Variants in SATB2 observed in about 807,000 individuals in gnomAD.
SATB2 encodes SATB homeobox 2.
In SATB2, 1 loss-of-function variant was observed where a neutral mutation model predicts 73.4. That is an observed-to-expected ratio of 0.01 (90% CI 0.00 to 0.06). SATB2 has a LOEUF of 0.06. SATB2 is among the 10% of genes least tolerant of loss of function. SATB2 has a pLI of 1.00. For missense variants in SATB2, 459 were observed against 945.8 expected (o/e 0.49, Z 6.75); for synonymous variants, 397 against 367.0 (o/e 1.08, Z -0.93).
At chr2:199,336,737 G>GTA (rs1295550243) in intron 7 of SATB2, among the ~76,000 whole-genome samples, 1 of 152,146 alleles carries the variant, frequency 6.6e-6, no homozygotes, top group African/African-American at 2.4e-5. Context: ...GTTTACCCCT[G>GTA]TACCTCTTTG....
chr2:199,302,088 A>T (rs1192464108), intron 10 of SATB2, among the ~76,000 whole-genome samples: 1 of 152,194 alleles, frequency 6.6e-6, no homozygotes, highest in African/African-American at 2.4e-5. Context: ...AACAACTTTA[A>T]GAAACTGCAC....
rs142344633 is a variant in SATB2, at chr2:199,291,295, A to C, written c.1740+17465T>G. 3.3e-5 allele frequency among the ~76,000 whole-genome samples: 5 copies of C among 152,328 alleles called. No individual in the cohort carries two copies. The East Asian group carries it at 9.7e-4, about 29-fold the overall frequency. On this transcript the variant is annotated intron_variant, in intron 10 of 10. Transcript: ENST00000417098. ...AAGAGAATGGTTTCAAGTTAGAGCC[A>C]CAAACTGTCTTTACTGCTTTTTGCC... is the stretch of plus-strand genomic sequence containing the variant.
chr2:199,349,518 A>G (rs1030992682), intron 6 of SATB2, among the ~76,000 whole-genome samples: 1 of 152,228 alleles, frequency 6.6e-6, no homozygotes, highest in Non-Finnish European at 1.5e-5. Context: ...CCTTTGTTAT[A>G]AAAGCACCAG....
chr2:199,378,503 C>A (rs1390005069), intron 5 of SATB2, among the ~76,000 whole-genome samples: 1 of 152,140 alleles, frequency 6.6e-6, no homozygotes, highest in Non-Finnish European at 1.5e-5. Flanking sequence ...TACATACCTA[C>A]AGGTAGGTAT....
chr2:199,380,580 T>C (rs1292041488), intron 4 of SATB2, 93 bp from the exon 5 acceptor site: 14 of 1,489,782 alleles, frequency 9.4e-6, no homozygotes, highest in South Asian at 5.7e-5. Context: ...TTGGGTCTTG[T>C]GGGAGCTTCA....
At chr2:199,297,730 G>C (rs1687150714) in intron 10 of SATB2, among the ~76,000 whole-genome samples, 1 of 151,996 alleles carries the variant, frequency 6.6e-6, no homozygotes, top group African/African-American at 2.4e-5. Context: ...GATGCTAATG[G>C]GTAGCAAGGA....
chr2:199,408,703 T>C (rs1259892518), intron 3 of SATB2, among the ~76,000 whole-genome samples: 1 of 149,930 alleles, frequency 6.7e-6, no homozygotes, highest in African/African-American at 2.5e-5. Context: ...AATAGAGTCT[T>C]AGGGAGGGCA....
intron 6 of SATB2, among the ~76,000 whole-genome samples, chr2:199,355,779 C>T (rs563287456): frequency 2.0e-5 from 3 of 152,214 alleles, no homozygotes; most frequent in African/African-American, 7.2e-5. Context: ...GCTCTTTACT[C>T]TTTAGCAGGA....
chr2:199,367,638 G>A (rs556087009), intron 6 of SATB2, among the ~76,000 whole-genome samples: 1 of 152,162 alleles, frequency 6.6e-6, no homozygotes, highest in South Asian at 2.1e-4. Flanking sequence ...CCTCCGATGG[G>A]GGCAGAGTAA....
intron 6 of SATB2, among the ~76,000 whole-genome samples, chr2:199,356,853 A>G (rs972130391): frequency 6.6e-6 from 1 of 152,184 alleles, no homozygotes; most frequent in Non-Finnish European, 1.5e-5. Context: ...ACCAAGCCCC[A>G]CCATTTATAT....
chr2:199,280,932 T>C (rs1177443333), intron 10 of SATB2, among the ~76,000 whole-genome samples: 1 of 152,114 alleles, frequency 6.6e-6, no homozygotes, highest in African/African-American at 2.4e-5. Flanking sequence ...CTTTTGAAAA[T>C]CACTAATAAA....
At chr2:199,421,257 C>A (rs1196186827) in intron 3 of SATB2, among the ~76,000 whole-genome samples, 2 of 152,116 alleles carry the variant, frequency 1.3e-5, no homozygotes, top group Non-Finnish European at 2.9e-5. Flanking sequence ...TAGAATTATA[C>A]AATACAGAAG....
At position 199,351,964 on chromosome 2, in the gene SATB2, G is replaced by A. The variant is rs186377436; in HGVS notation, c.701-2791C>T. Among the ~76,000 whole-genome samples the A allele has an allele frequency of 5.9e-5, 9 of 152,244 alleles. No individual in the cohort carries two copies. The East Asian group carries it at 1.2e-3, about 20-fold the overall frequency. Reference sequence around the variant, plus strand: ...CCATTCACTGCAACCTCTGCCTCCCGGGTTCAAGCTATTCTCGTGCTCAGC... The same window carrying A: ...CCATTCACTGCAACCTCTGCCTCCCAGGTTCAAGCTATTCTCGTGCTCAGC... On this transcript the variant is annotated intron_variant, in intron 6 of 10. Transcript: ENST00000417098.
At chr2:199,466,131 A>T (rs555102324), upstream of SATB2, among the ~76,000 whole-genome samples, 4 of 152,208 alleles carry the variant, frequency 2.6e-5, no homozygotes, top group South Asian at 8.3e-4. Flanking sequence ...GGAGACCCGG[A>T]GTTACTTGGA....
intron 2 of SATB2, among the ~76,000 whole-genome samples, chr2:199,442,393 G>A (rs561304454): frequency 2.0e-5 from 3 of 152,180 alleles, no homozygotes; most frequent in Non-Finnish European, 4.4e-5. Context: ...CACGGGCATC[G>A]CATGGATGGG....
At chr2:199,415,609 A>G (rs1479723603) in intron 3 of SATB2, among the ~76,000 whole-genome samples, 1 of 152,232 alleles carries the variant, frequency 6.6e-6, no homozygotes, top group African/African-American at 2.4e-5. Context: ...ATTTAATTTG[A>G]TGGAAAAGTG....
At chr2:199,279,253 C>T (rs568621824) in intron 10 of SATB2, among the ~76,000 whole-genome samples, 49 of 152,318 alleles carry the variant, frequency 3.2e-4, no homozygotes, top group African/African-American at 1.2e-3. Context: ...TGTTGTTTCT[C>T]TGCTTTCAAA....
At chr2:199,446,321 T>G (rs1258795890) in intron 2 of SATB2, among the ~76,000 whole-genome samples, 1 of 152,222 alleles carries the variant, frequency 6.6e-6, no homozygotes, top group Non-Finnish European at 1.5e-5. Context: ...AGAACTTCCT[T>G]GTTAATACCA....
chr2:199,418,862 C>G (rs1485526703), intron 3 of SATB2, among the ~76,000 whole-genome samples: 1 of 152,070 alleles, frequency 6.6e-6, no homozygotes, highest in African/African-American at 2.4e-5. Flanking sequence ...CCCTCTTTGA[C>G]CCAAAGATCT....
Sources: allele counts gnomAD v4.1 joint callset (sites outside exome capture counted in the v4.1 genomes callset), GRCh38; gene constraint gnomAD v4.1.1; transcripts MANE v1.5; gene names NCBI Gene and HGNC (gene_info 2026-07-23, HGNC 2026-07-21).